Variants in SKIC3 observed in about 807,000 individuals in gnomAD.
The protein encoded by SKIC3 is SKI3 subunit of superkiller complex.
chr5:95,502,918 T>C, the SKIC3 span: 1 of 1,614,092 alleles, frequency 6.2e-7, no homozygotes, highest in South Asian at 1.1e-5. Flanking sequence ...CCGTTTTTCC[T>C]TGTTTATATT....
the SKIC3 span, chr5:95,513,377 A>G: frequency 2.1e-6 from 1 of 481,006 alleles, no homozygotes; most frequent in South Asian, 2.5e-5. Flanking sequence ...CTAATTTTTA[A>G]TTTTTTTTTT....
At chr5:95,483,891 A>G in the SKIC3 span, among the ~76,000 whole-genome samples, 17 of 152,246 alleles carry the variant, frequency 1.1e-4, no homozygotes, top group African/African-American at 4.1e-4. Flanking sequence ...CCAGTCACCC[A>G]CTCAACAATC....
chr5:95,523,303 T>G, the SKIC3 span: 1 of 1,613,656 alleles, frequency 6.2e-7, no homozygotes, highest in African/African-American at 1.3e-5. Flanking sequence ...GAGTTACTGT[T>G]GTTAGGATAG....
At chr5:95,464,752 G>T in the SKIC3 span, 1 of 1,299,340 alleles carries the variant, frequency 7.7e-7, no homozygotes, top group Non-Finnish European at 1.1e-6. Flanking sequence ...ATTCATTGAA[G>T]CCAAGTAATC....
At chr5:95,508,845 A>C in the SKIC3 span, among the ~76,000 whole-genome samples, 233 of 152,370 alleles carry the variant, frequency 1.5e-3, no homozygotes, top group African/African-American at 5.4e-3. Flanking sequence ...GAATAAATAA[A>C]TACATAGTAG....
At chr5:95,482,494 T>C in the SKIC3 span, 84 of 1,613,970 alleles carry the variant, frequency 5.2e-5, no homozygotes, top group African/African-American at 1.1e-3. Context: ...GAACAGAGGT[T>C]GAGTTGGACA....
At chr5:95,494,980 T>C in the SKIC3 span, 2 of 1,613,750 alleles carry the variant, frequency 1.2e-6, no homozygotes. Context: ...ATGATTTGAG[T>C]CCAGAATATG....
the SKIC3 span, chr5:95,516,456 T>C: frequency 6.2e-7 from 1 of 1,612,538 alleles, no homozygotes; most frequent in African/African-American, 1.3e-5. Context: ...CCTTGTCTAG[T>C]TGAAAGTCTC....
chr5:95,465,637 G>C, the SKIC3 span, among the ~76,000 whole-genome samples: 3 of 152,138 alleles, frequency 2.0e-5, no homozygotes, highest in Admixed American at 1.3e-4. Flanking sequence ...TTCAAGGTAC[G>C]GCAAACAGCA....
the SKIC3 span, chr5:95,520,758 T>C: frequency 5.0e-6 from 8 of 1,612,110 alleles, no homozygotes; most frequent in Admixed American, 1.3e-4. Flanking sequence ...GTCTACGGCT[T>C]TTCCATCAAG....
the SKIC3 span, chr5:95,513,477 G>GC: frequency 7.5e-7 from 1 of 1,337,996 alleles, no homozygotes; most frequent in Non-Finnish European, 1.1e-6. Context: ...ACAGGCATAA[G>GC]CCACTATGCC....
chr5:95,528,839 A>G, the SKIC3 span: 2 of 659,466 alleles, frequency 3.0e-6, no homozygotes, highest in African/African-American at 3.7e-5. Context: ...ACTAGTACAC[A>G]TGCATGCAGA....
chr5:95,503,895 T>C, the SKIC3 span: 10 of 1,613,962 alleles, frequency 6.2e-6, no homozygotes, highest in Non-Finnish European at 8.5e-6. Flanking sequence ...TCAAGGGGTG[T>C]TGACTTAAAA....
At chr5:95,503,726 A>G in the SKIC3 span, 14 of 1,577,890 alleles carry the variant, frequency 8.9e-6, no homozygotes, top group Admixed American at 2.2e-4. Context: ...CCCCCACCCC[A>G]TCTCATTATT....
chr5:95,550,272 T>A, the SKIC3 span, among the ~76,000 whole-genome samples: 3 of 152,040 alleles, frequency 2.0e-5, no homozygotes. Flanking sequence ...AGGTATGATA[T>A]ATATGTCCCC....
chr5:95,472,882 T>C, the SKIC3 span, among the ~76,000 whole-genome samples: 89 of 152,358 alleles, frequency 5.8e-4, 1 homozygote, highest in Non-Finnish European at 7.9e-4. Context: ...CCTGTGTTAA[T>C]TCACTTAGAA....
chr5:95,504,176 A>T, the SKIC3 span, among the ~76,000 whole-genome samples: 1 of 151,886 alleles, frequency 6.6e-6, no homozygotes, highest in Non-Finnish European at 1.5e-5. Flanking sequence ...TCTCTACTAA[A>T]AATACAAAAA....
At chr5:95,490,504 A>ATATAT in the SKIC3 span, among the ~76,000 whole-genome samples, 10 of 144,262 alleles carry the variant, frequency 6.9e-5, no homozygotes, top group African/African-American at 1.0e-4. Flanking sequence ...ATATATATAT[A>ATATAT]TTTTTTTTTT....
chr5:95,470,591 C>A, the SKIC3 span, among the ~76,000 whole-genome samples: 1 of 151,872 alleles, frequency 6.6e-6, no homozygotes, highest in African/African-American at 2.4e-5. Context: ...TTCTACATTT[C>A]AAAAATTATC....
Sources: allele counts gnomAD v4.1 joint callset (sites outside exome capture counted in the v4.1 genomes callset), GRCh38; gene constraint gnomAD v4.1.1; transcripts MANE v1.5; gene names NCBI Gene and HGNC (gene_info 2026-07-23, HGNC 2026-07-21).